Variants in SLTM observed in about 807,000 individuals in gnomAD.
SLTM encodes SAFB like transcription modulator, also known as SAFB-like transcription modulator.
A neutral mutation model predicts 134.6 loss-of-function variants in SLTM; 43 were observed. The observed-to-expected ratio is 0.32, with a 90% CI of 0.25 to 0.41. The LOEUF (loss-of-function observed/expected upper bound fraction) is 0.41, where lower values mean the gene tolerates loss of function less well. Ranked by LOEUF, SLTM falls within the 10% of genes least tolerant of loss-of-function variation. The pLI is 1.00. For missense variants in SLTM, 1,055 were observed against 1,288.8 expected (o/e 0.82, Z 2.78); for synonymous variants, 424 against 432.3 (o/e 0.98, Z 0.24).
intron 14 of SLTM, among the ~76,000 whole-genome samples, chr15:58,892,619 G>A (rs2034750206): frequency 6.6e-6 from 1 of 152,062 alleles, no homozygotes; most frequent in South Asian, 2.1e-4. Context: ...GTGGCCATTG[G>A]AAGAGTCATT....
At chr15:58,906,736 T>G (rs1241755187) in intron 5 of SLTM, among the ~76,000 whole-genome samples, 1 of 152,208 alleles carries the variant, frequency 6.6e-6, no homozygotes, top group Non-Finnish European at 1.5e-5. Context: ...TACAAAATGC[T>G]TGGCACATAA....
At chr15:58,890,766 G>T (rs1035177549) in intron 14 of SLTM, among the ~76,000 whole-genome samples, 1 of 152,124 alleles carries the variant, frequency 6.6e-6, no homozygotes, top group Non-Finnish European at 1.5e-5. Context: ...TGACATTTTA[G>T]AAGGATGTAA....
chr15:58,882,589 ATC>A (rs1182742810), intron 20 of SLTM, among the ~76,000 whole-genome samples: 1 of 152,224 alleles, frequency 6.6e-6, no homozygotes, highest in Non-Finnish European at 1.5e-5. Flanking sequence ...AAATAAAAGA[ATC>A]TATATTTATC....
chr15:58,890,569 C>A, intron 14 of SLTM, 108 bp from the exon 15 acceptor site: 4 of 1,118,494 alleles, frequency 3.6e-6, no homozygotes, highest in South Asian at 1.7e-5. Flanking sequence ...TAAATTTCAA[C>A]TCAATCTAAG....
Position 58,926,356 on chromosome 15 carries a change from G to GA in SLTM, c.250+5999dup, listed in dbSNP as rs1231260595. Among the ~76,000 whole-genome samples the GA allele has an allele frequency of 7.2e-5, 11 of 152,100 alleles. No homozygotes were observed. The East Asian group carries it at 1.2e-3, about 16-fold the overall frequency. Reference sequence around the variant, plus strand: ...TCTATTTTAGTTGTTGAAAAGGGGGGAAAAAACCTTTAAACATAAACCTCC... The same window carrying GA: ...TCTATTTTAGTTGTTGAAAAGGGGGGAAAAAAACCTTTAAACATAAACCTCC... On this transcript the variant is annotated intron_variant, in intron 2 of 20. Transcript: ENST00000380516.
chr15:58,922,326 G>T (rs1188644811), intron 2 of SLTM, among the ~76,000 whole-genome samples: 1 of 126,726 alleles, frequency 7.9e-6, no homozygotes, highest in Non-Finnish European at 1.5e-5. Flanking sequence ...GCAGTGAGCC[G>T]AGATCATGCC....
intron 2 of SLTM, among the ~76,000 whole-genome samples, chr15:58,924,564 A>G (rs1388816591): frequency 6.6e-6 from 1 of 152,220 alleles, no homozygotes; most frequent in Non-Finnish European, 1.5e-5. Flanking sequence ...GATTCACATC[A>G]AATGGGATAA....
At chr15:58,897,064 A>T (rs1388698026) in intron 9 of SLTM, 51 bp downstream of exon 9, 1 of 1,057,548 alleles carries the variant, frequency 9.5e-7, no homozygotes, top group Non-Finnish European at 1.5e-6. Flanking sequence ...TACAATCCTC[A>T]TTTCAAATGC....
In SLTM at chr15:58,887,375, T is replaced by G; in HGVS notation, c.2541A>C (p.Arg847=). ...CCGTTCTCCTTTCGTCTCGCTCCCC[T>G]CGTACTTCTCGCCTGTCTGATTCTC... ...ELRESDRREV[R]GERDERRTVI... is the part of the protein sequence containing the mutation. The change falls in exon 18 of 21, where the codon CGA becomes CGC. Residue 847 remains arginine (R), a synonymous_variant. Transcript: ENST00000380516. 2 of 1,614,010 alleles carry G rather than the reference T, an allele frequency of 1.2e-6. No homozygotes were observed. The highest frequency in any genetic ancestry group is 1.7e-6 in the Non-Finnish European group (2 of 1,179,994).
intron 15 of SLTM, 134 bp from the exon 16 acceptor site, chr15:58,889,688 CA>C: frequency 9.8e-7 from 1 of 1,016,172 alleles, no homozygotes; most frequent in Non-Finnish European, 1.4e-6. Flanking sequence ...AAACCTATGA[CA>C]CCTAAATTTG....
At chr15:58,933,209 C>T (rs2038011005) in intron 1 of SLTM, among the ~76,000 whole-genome samples, 195 bp downstream of exon 1, 1 of 151,654 alleles carries the variant, frequency 6.6e-6, no homozygotes, top group Non-Finnish European at 1.5e-5. Context: ...CCCGGCCCGG[C>T]CCGGGGCGCG....
At chr15:58,913,847 T>G (rs1001209647) in intron 3 of SLTM, 151 bp from the exon 4 acceptor site, 8 of 592,946 alleles carry the variant, frequency 1.3e-5, no homozygotes, top group African/African-American at 1.3e-4. Flanking sequence ...ATATATTTAC[T>G]GTGTCTTTAA....
chr15:58,883,387 C>A (rs1410924936), intron 20 of SLTM: 4 of 516,140 alleles, frequency 7.7e-6, no homozygotes, highest in Non-Finnish European at 1.4e-5. Context: ...ATACCCATAT[C>A]TATATCAACT....
At chr15:58,933,097 C>T (rs1156704294) in intron 1 of SLTM, among the ~76,000 whole-genome samples, 2 of 152,144 alleles carry the variant, frequency 1.3e-5, no homozygotes, top group Non-Finnish European at 2.9e-5. Context: ...TCCGCGATCG[C>T]CCTTGGGAGG....
rs1595915507 is a variant in SLTM at position 58,916,925 on chromosome 15, AAC to A, written c.315+8_315+9del. ...AATAAGCATCTTAACCTGAGTAATTAACACTTTACCTTGATAAAAGCATCATC... is the reference window on the plus strand; with the variant it reads ...AATAAGCATCTTAACCTGAGTAATTAACTTTACCTTGATAAAAGCATCATC... On this transcript the variant is annotated splice_region_variant and intron_variant, in intron 3 of 20. Coordinates refer to ENST00000380516, the MANE Select transcript of SLTM (RefSeq NM_024755.4). 2.5e-6 allele frequency: 4 copies of A among 1,612,172 alleles called. No individual in the cohort carries two copies. The highest frequency in any genetic ancestry group is 3.4e-6 in the Non-Finnish European group (4 of 1,178,456).
At position 58,879,439 on chromosome 15, in the gene SLTM, T is replaced by A. The variant is rs2033522347; in HGVS notation, c.*560A>T. On this transcript the variant is annotated 3_prime_UTR_variant, in exon 21 of 21. Coordinates refer to ENST00000380516, the MANE Select transcript of SLTM (RefSeq NM_024755.4). ...AACACTTTAGCAACTATACAGAATA[T>A]GAAGGTTTATTTCAAAAAAGATTAC... 1 of 152,674 alleles carries A rather than the reference T, an allele frequency of 6.5e-6. No individual in the cohort carries two copies. Among genetic ancestry groups the A allele is most frequent in the South Asian group, 2.1e-4 (1 of 4,830 alleles). The allele number at this position is 152,674 out of a possible 1,614,324, so 9.5% of individuals were successfully genotyped here.
Position 58,922,529 on chromosome 15 carries a change from TATATA to T in SLTM, c.251-5535_251-5531del, listed in dbSNP as rs1156775887. Among the ~76,000 whole-genome samples the T allele has an allele frequency of 2.4e-3, 246 of 104,338 alleles. 1 individual carries two copies. Among genetic ancestry groups the T allele is most frequent in the African/African-American group, 9.1e-3 (240 of 26,318 alleles). 68.4% of individuals were successfully genotyped at this position (104,338 alleles called of 152,430 possible). A position where few individuals can be genotyped will look rare whatever the true frequency, so the allele number is the denominator to read the frequency against. On this transcript the variant is annotated intron_variant, in intron 2 of 20. Coordinates refer to ENST00000380516, the MANE Select transcript of SLTM (RefSeq NM_024755.4). ...ATTATATACGTATAAAATTTATACG[TATATA>T]ATATATTTTATATGTATATAATATG...
At chr15:58,885,156 G>A (rs2034076444) in intron 19 of SLTM, among the ~76,000 whole-genome samples, 1 of 152,144 alleles carries the variant, frequency 6.6e-6, no homozygotes. Flanking sequence ...TAGTGCTATG[G>A]CACTTACAAG....
chr15:58,884,099 C>T (rs1478259170), intron 19 of SLTM, among the ~76,000 whole-genome samples: 1 of 115,096 alleles, frequency 8.7e-6, no homozygotes, highest in East Asian at 2.4e-4. Context: ...AACCCCATCT[C>T]AAAAAAAAAA....
Sources: allele counts gnomAD v4.1 joint callset (sites outside exome capture counted in the v4.1 genomes callset), GRCh38; gene constraint gnomAD v4.1.1; transcripts MANE v1.5; gene names NCBI Gene and HGNC (gene_info 2026-07-23, HGNC 2026-07-21).